Variants in LMBR1 observed in about 807,000 individuals in gnomAD.
LMBR1 encodes the protein limb development membrane protein 1.
A neutral mutation model predicts 73.9 loss-of-function variants in LMBR1; 52 were observed. That is an observed-to-expected ratio of 0.70 (90% CI 0.56 to 0.89). LMBR1 has a LOEUF of 0.89. Ranked by LOEUF, LMBR1 falls within the 40% of genes least tolerant of loss-of-function variation. The pLI is 0.00. For synonymous variants in LMBR1, 215 were observed against 209.4 expected (o/e 1.03, Z -0.23); for missense variants, 539 against 579.8 (o/e 0.93, Z 0.72).
At chr7:156,826,805 T>A in intron 3 of LMBR1, 61 bp from the exon 4 acceptor site, 1 of 1,450,692 alleles carries the variant, frequency 6.9e-7, no homozygotes, top group Non-Finnish European at 9.3e-7. Context: ...ACGAAAGTCA[T>A]CAAAAAGAAT....
intron 1 of LMBR1, among the ~76,000 whole-genome samples, chr7:156,884,147 G>A (rs1405497411): frequency 6.6e-6 from 1 of 152,182 alleles, no homozygotes; most frequent in Non-Finnish European, 1.5e-5. Flanking sequence ...TCCACTAGAA[G>A]ACTTTACAAC....
chr7:156,846,244 C>T (rs1795463743), intron 1 of LMBR1, among the ~76,000 whole-genome samples: 1 of 152,126 alleles, frequency 6.6e-6, no homozygotes, highest in African/African-American at 2.4e-5. Context: ...TGCCACTGCA[C>T]TCCAGCCTGG....
intron 1 of LMBR1, among the ~76,000 whole-genome samples, chr7:156,862,875 T>A (rs1073631): frequency 0.36 from 54,349 of 151,760 alleles, 9,918 homozygotes; most frequent in East Asian, 0.56. Context: ...AAACATCAGC[T>A]CTTCCGGGGC....
At chr7:156,851,931 A>C (rs1796294698) in intron 1 of LMBR1, among the ~76,000 whole-genome samples, 1 of 152,216 alleles carries the variant, frequency 6.6e-6, no homozygotes, top group African/African-American at 2.4e-5. Flanking sequence ...GGAAAGCAAT[A>C]TGATGGCCTA....
At chr7:156,865,142 A>G (rs1203683356) in intron 1 of LMBR1, among the ~76,000 whole-genome samples, 2 of 152,074 alleles carry the variant, frequency 1.3e-5, no homozygotes, top group Admixed American at 1.3e-4. Context: ...CGCCAGCTCT[A>G]CAAAAAATAT....
chr7:156,736,800 CA>C (rs2132533119), intron 9 of LMBR1, among the ~76,000 whole-genome samples: 1 of 152,306 alleles, frequency 6.6e-6, no homozygotes, highest in South Asian at 2.1e-4. Flanking sequence ...ACATTCTTCC[CA>C]CCCCTAGAAT....
intron 5 of LMBR1, among the ~76,000 whole-genome samples, chr7:156,777,078 C>G (rs888350080): frequency 1.3e-5 from 2 of 152,060 alleles, no homozygotes; most frequent in Non-Finnish European, 2.9e-5. Flanking sequence ...ACTACAGGCG[C>G]CAGCCACCAC....
At chr7:156,888,416 A>T (rs1802321917) in intron 1 of LMBR1, among the ~76,000 whole-genome samples, 1 of 151,812 alleles carries the variant, frequency 6.6e-6, no homozygotes, top group Admixed American at 6.6e-5. Context: ...TCTCAAAAAA[A>T]AAAAAAAAAA....
chr7:156,887,249 G>A (rs1802059329), intron 1 of LMBR1, among the ~76,000 whole-genome samples: 1 of 152,070 alleles, frequency 6.6e-6, no homozygotes. Context: ...CAGATCACGA[G>A]GTCAAGAGAT....
At chr7:156,672,306 C>CA (rs913730796) in intron 4 of LMBR1, among the ~76,000 whole-genome samples, 1 of 152,086 alleles carries the variant, frequency 6.6e-6, no homozygotes, top group African/African-American at 2.4e-5. Flanking sequence ...ACGACAGGTG[C>CA]AAAACCCTTT....
chr7:156,857,567 G>T (rs566651785), intron 1 of LMBR1, among the ~76,000 whole-genome samples: 18 of 152,236 alleles, frequency 1.2e-4, no homozygotes, highest in African/African-American at 4.3e-4. Flanking sequence ...AATCAGTAAG[G>T]GTACATAGTT....
chr7:156,817,646 CT>C (rs959975366), intron 4 of LMBR1, among the ~76,000 whole-genome samples: 7 of 152,068 alleles, frequency 4.6e-5, no homozygotes, highest in African/African-American at 1.7e-4. Flanking sequence ...CTTCACATAA[CT>C]TTTTTCTTAA....
chr7:156,876,490 C>T (rs1800192995), intron 1 of LMBR1, among the ~76,000 whole-genome samples: 1 of 152,166 alleles, frequency 6.6e-6, no homozygotes, highest in Non-Finnish European at 1.5e-5. Context: ...ATTTACAGAA[C>T]ATTCTACCCA....
At chr7:156,706,671 T>G (rs1563177174) in intron 15 of LMBR1, among the ~76,000 whole-genome samples, 4 of 151,890 alleles carry the variant, frequency 2.6e-5, no homozygotes, top group Admixed American at 2.6e-4. Context: ...AAAAAAAAAT[T>G]TTTGAAACAA....
At chr7:156,695,110 A>G (rs1228515186) in intron 15 of LMBR1, among the ~76,000 whole-genome samples, 1 of 152,202 alleles carries the variant, frequency 6.6e-6, no homozygotes, top group Non-Finnish European at 1.5e-5. Flanking sequence ...GGAGTTTGAG[A>G]TCAGCCTGGG....
intron 4 of LMBR1, among the ~76,000 whole-genome samples, chr7:156,810,471 C>A (rs1003162750): frequency 6.6e-6 from 1 of 152,216 alleles, no homozygotes; most frequent in Non-Finnish European, 1.5e-5. Flanking sequence ...CAGCTCACTG[C>A]AGCCTCTGCC....
At chr7:156,839,002 C>T (rs1045590148) in intron 1 of LMBR1, among the ~76,000 whole-genome samples, 3 of 150,966 alleles carry the variant, frequency 2.0e-5, no homozygotes, top group African/African-American at 7.3e-5. Flanking sequence ...TACCTATTGG[C>T]CATCTGTATG....
intron 5 of LMBR1, among the ~76,000 whole-genome samples, chr7:156,795,859 A>G (rs1210875891): frequency 2.0e-5 from 3 of 152,190 alleles, no homozygotes; most frequent in African/African-American, 7.2e-5. Context: ...GCCATTGACT[A>G]AATTTTAATT....
intron 9 of LMBR1, among the ~76,000 whole-genome samples, chr7:156,739,925 G>A (rs1269047453): frequency 2.0e-5 from 3 of 152,058 alleles, no homozygotes; most frequent in Admixed American, 2.0e-4. Context: ...GACCAATCCT[G>A]GAGAAAGAGA....
Sources: gnomAD v4.1 joint callset for allele counts (sites outside exome capture counted in the v4.1 genomes callset) on GRCh38, gnomAD v4.1.1 for gene constraint, MANE v1.5 for transcripts, NCBI Gene and HGNC (gene_info 2026-07-23, HGNC 2026-07-21) for gene names.